The following ITPKB variants were observed in gnomAD, a reference collection of about 807,000 sequenced individuals.
ITPKB encodes inositol-trisphosphate 3-kinase B.
ITPKB carries 13 observed loss-of-function variants against 69.4 expected under a neutral mutation model. That is an observed-to-expected ratio of 0.19 (90% CI 0.12 to 0.30). The LOEUF (loss-of-function observed/expected upper bound fraction) is 0.30, where lower values mean the gene tolerates loss of function less well. Ranked by LOEUF, ITPKB falls within the 10% of genes least tolerant of loss-of-function variation. ITPKB has a pLI of 1.00. For synonymous variants in ITPKB, 584 were observed against 513.7 expected (o/e 1.14, Z -1.85); for missense variants, 1,240 against 1,250.5 (o/e 0.99, Z 0.13).
In ITPKB at chr1:226,637,494, G is replaced by C. The variant is rs1010180461; in HGVS notation, c.2625+185C>G. On this transcript the variant is annotated intron_variant, in intron 7 of 7. Coordinates refer to ENST00000429204, the MANE Select transcript of ITPKB (RefSeq NM_002221.4). The surrounding 1 kb of genome is among the most constrained non-coding windows in gnomAD (Gnocchi z 4.3). ...CCAGGGGTCTCAGGCAGGACAGCCC[G>C]TGTGGTCACCCCAGGAAGCATTGAG... Among the ~76,000 whole-genome samples the C allele has an allele frequency of 1.3e-5, 2 of 152,212 alleles. No individual in the cohort carries two copies. The highest frequency in any genetic ancestry group is 4.1e-4 in the South Asian group (2 of 4,830).
chr1:226,665,692 C>T (rs920154150), intron 2 of ITPKB, among the ~76,000 whole-genome samples: 21 of 152,192 alleles, frequency 1.4e-4, no homozygotes, highest in Admixed American at 1.0e-3. Context: ...GCCCTGCCTG[C>T]GGTACCACCT....
intron 2 of ITPKB, chr1:226,675,992 C>G (rs545364745): frequency 6.6e-6 from 1 of 152,344 alleles, no homozygotes; most frequent in South Asian, 2.1e-4. Flanking sequence ...GTGGGGGGAT[C>G]TCAACCAAAT....
intron 2 of ITPKB, among the ~76,000 whole-genome samples, chr1:226,699,935 C>T (rs1656594101): frequency 6.6e-6 from 1 of 152,166 alleles, no homozygotes; most frequent in Non-Finnish European, 1.5e-5. Context: ...AGTCCCAAAA[C>T]TGAAGAACTT....
chr1:226,737,069 C>G lies in ITPKB; in HGVS notation c.390G>C (p.Lys130Asn), dbSNP rs144653273. ...GCAACTCGCGCTGCAAGATCCGCAGCTTCCTCTTGGCCTCCTCCGGCCCTG... is the reference window on the plus strand; with the variant it reads ...GCAACTCGCGCTGCAAGATCCGCAGGTTCCTCTTGGCCTCCTCCGGCCCTG... The part of the protein sequence containing the change: ...SPPGPEEAKR[K>N]LRILQRELQN... Residue 130 changes from lysine to asparagine, a missense_variant, in exon 2 of 8, where the codon AAG becomes AAC. Coordinates refer to ENST00000429204, the MANE Select transcript of ITPKB (RefSeq NM_002221.4). 2 of 1,611,220 alleles carry G rather than the reference C, an allele frequency of 1.2e-6. No individual in the cohort carries two copies. The highest frequency in any genetic ancestry group is 1.7e-5 in the Admixed American group (1 of 60,030).
At chr1:226,656,802 A>G (rs1024685958) in intron 2 of ITPKB, 1 of 152,244 alleles carries the variant, frequency 6.6e-6, no homozygotes, top group Non-Finnish European at 1.5e-5. Context: ...TACACTGGGC[A>G]CGGCAGGTAT....
At chr1:226,698,270 C>T (rs1227067673) in intron 2 of ITPKB, among the ~76,000 whole-genome samples, 1 of 152,206 alleles carries the variant, frequency 6.6e-6, no homozygotes, top group Non-Finnish European at 1.5e-5. Context: ...TCACAGACTC[C>T]TTAAGATCCC....
chr1:226,684,509 G>T (rs796923081), intron 2 of ITPKB, among the ~76,000 whole-genome samples: 5 of 152,118 alleles, frequency 3.3e-5, no homozygotes, highest in Non-Finnish European at 4.4e-5. Flanking sequence ...CAGGGAAGGG[G>T]ACCCACAGAG....
intron 5 of ITPKB, among the ~76,000 whole-genome samples, chr1:226,640,253 T>A (rs1022988097): frequency 3.9e-5 from 6 of 152,180 alleles, no homozygotes; most frequent in African/African-American, 1.4e-4. Context: ...CAGCACTATC[T>A]CTGTTCAGGC....
Position 226,637,601 on chromosome 1 carries a change from G to T in ITPKB, c.2625+78C>A. 2 of 1,172,662 alleles carry T rather than the reference G, an allele frequency of 1.7e-6. No homozygotes were observed. The highest frequency in any genetic ancestry group is 1.3e-5 in the South Asian group (1 of 79,512). 72.6% of individuals were successfully genotyped at this position (1,172,662 alleles called of 1,614,324 possible). A position where few individuals can be genotyped will look rare whatever the true frequency, so the allele number is the denominator to read the frequency against. The stretch of plus-strand genomic sequence containing the variant: ...CCACCCTGAAAATGCCCGATGCCCC[G>T]GGCTTCTGGAAGGAGAAGGAGAAGG... On this transcript the variant is annotated intron_variant, in intron 7 of 7. Coordinates refer to ENST00000429204, the MANE Select transcript of ITPKB (RefSeq NM_002221.4). This position sits in a 1 kb window ranked among gnomAD's most constrained non-coding sequence, Gnocchi z 4.3.
chr1:226,723,566 T>G (rs889918453), intron 2 of ITPKB, among the ~76,000 whole-genome samples: 1 of 151,584 alleles, frequency 6.6e-6, no homozygotes, highest in Non-Finnish European at 1.5e-5. Context: ...CACACACACG[T>G]GTGTGTGGGT....
chr1:226,713,141 G>T (rs909727217), intron 2 of ITPKB, among the ~76,000 whole-genome samples: 6 of 151,990 alleles, frequency 3.9e-5, no homozygotes, highest in Non-Finnish European at 8.8e-5. Flanking sequence ...CTCATGCTCC[G>T]CTAAGACACC....
intron 5 of ITPKB, among the ~76,000 whole-genome samples, chr1:226,639,873 TGGCGC>T (rs773002670): frequency 6.6e-6 from 1 of 151,902 alleles, no homozygotes; most frequent in Non-Finnish European, 1.5e-5. Context: ...ACGCAGAGGG[TGGCGC>T]TGACATCCCC....
chr1:226,698,265 G>C (rs1430878319), intron 2 of ITPKB, among the ~76,000 whole-genome samples: 1 of 152,236 alleles, frequency 6.6e-6, no homozygotes, highest in Admixed American at 6.5e-5. Flanking sequence ...AAAGGTCACA[G>C]ACTCCTTAAG....
intron 2 of ITPKB, among the ~76,000 whole-genome samples, chr1:226,651,314 G>C (rs1048860979): frequency 6.6e-6 from 1 of 152,172 alleles, no homozygotes; most frequent in Non-Finnish European, 1.5e-5. Context: ...ACCTGGGCCC[G>C]AGTCCCGGCT....
intron 2 of ITPKB, chr1:226,657,218 AAAG>A (rs1311178108): frequency 1.3e-5 from 2 of 152,230 alleles, no homozygotes; most frequent in South Asian, 2.1e-4. Context: ...GACGTTGCAA[AAAG>A]AAGAATGATT....
chr1:226,737,671 G>A lies in ITPKB; in HGVS notation c.-205-8C>T, dbSNP rs1277731285. On this transcript the variant is annotated splice_polypyrimidine_tract_variant and splice_region_variant and intron_variant, in intron 1 of 7. Transcript: ENST00000429204. ...CCATAAACAACCGTGCGGCTGTGGA[G>A]ATACAAGGAGAAAAGTCAGGACCCT... 5 of 1,009,828 alleles carry A rather than the reference G, an allele frequency of 5.0e-6. No homozygotes were observed. In the South Asian group the frequency reaches 1.4e-4, roughly 29 times the overall value. 62.6% of individuals were successfully genotyped at this position (1,009,828 alleles called of 1,614,324 possible).
In ITPKB at chr1:226,737,169, ACGCTACTGC is replaced by A. The variant is rs1289969378; in HGVS notation, c.281_289del (p.Gly94_Ser96del). ...GCGACCAGCCCAACTTGGGCTGCTC[ACGCTACTGC>A]CGCTGCTGCCGCTGCCACTGCCGCT... is the stretch of plus-strand genomic sequence containing the variant. On this transcript the variant is annotated inframe_deletion, in exon 2 of 8. Coordinates refer to ENST00000429204, the MANE Select transcript of ITPKB (RefSeq NM_002221.4). 6.3e-6 allele frequency: 10 copies of A among 1,582,420 alleles called. No homozygotes were observed. The highest frequency in any genetic ancestry group is 5.6e-5 in the African/African-American group (4 of 71,580).
At chr1:226,727,439 A>G (rs138473121) in intron 2 of ITPKB, among the ~76,000 whole-genome samples, 113 of 152,318 alleles carry the variant, frequency 7.4e-4, no homozygotes, top group African/African-American at 2.5e-3. Flanking sequence ...GCAGCATACC[A>G]AGAGAGATTG....
At chr1:226,722,362 A>G (rs1339725538) in intron 2 of ITPKB, among the ~76,000 whole-genome samples, 1 of 152,182 alleles carries the variant, frequency 6.6e-6, no homozygotes, top group Non-Finnish European at 1.5e-5. Context: ...CCAGTTCAAA[A>G]TGCCAAAGAC....
Sources: allele counts gnomAD v4.1 joint callset (sites outside exome capture counted in the v4.1 genomes callset), GRCh38; gene constraint gnomAD v4.1.1; non-coding constraint Gnocchi (gnomAD v3.1); transcripts MANE v1.5; gene names NCBI Gene and HGNC (gene_info 2026-07-23, HGNC 2026-07-21).